Variants in NRXN1 observed in about 807,000 individuals in gnomAD.
The protein encoded by NRXN1 is neurexin-1.
Under a neutral mutation model 150.9 loss-of-function variants are expected in NRXN1, and 39 were observed. The ratio of observed to expected loss-of-function variants is 0.26; its 90% confidence interval spans 0.20 to 0.34. The LOEUF is 0.34. NRXN1 is among the 10% of genes least tolerant of loss of function. The pLI is 1.00. For missense variants in NRXN1, 1,815 were observed against 1,949.9 expected (o/e 0.93, Z 1.30); for synonymous variants, 924 against 757.0 (o/e 1.22, Z -3.62).
chr2:51,027,454 G>T, intron 2 of NRXN1, 48 bp downstream of exon 2: 1 of 1,471,998 alleles, frequency 6.8e-7, no homozygotes, highest in Non-Finnish European at 8.9e-7. Flanking sequence ...CCTCCTCCCC[G>T]AGCCCCGCCC....
At chr2:50,042,695 T>TAA (rs1558755456) in intron 21 of NRXN1, among the ~76,000 whole-genome samples, 1 of 152,104 alleles carries the variant, frequency 6.6e-6, no homozygotes, top group African/African-American at 2.4e-5. Flanking sequence ...CATACACACA[T>TAA]TAAGACAAAG....
chr2:50,521,318 T>C (rs1373152116), intron 12 of NRXN1, among the ~76,000 whole-genome samples: 1 of 152,182 alleles, frequency 6.6e-6, no homozygotes, highest in Non-Finnish European at 1.5e-5. Flanking sequence ...ATTTCGAGTC[T>C]GTATTTAGAC....
chr2:50,595,186 T>G (rs958447877), intron 8 of NRXN1, among the ~76,000 whole-genome samples: 1 of 152,010 alleles, frequency 6.6e-6, no homozygotes, highest in Non-Finnish European at 1.5e-5. Flanking sequence ...GACCTCAGTG[T>G]GCTGAGTATA....
At chr2:50,733,300 A>T (rs1698325022) in intron 5 of NRXN1, among the ~76,000 whole-genome samples, 1 of 152,194 alleles carries the variant, frequency 6.6e-6, no homozygotes, top group Non-Finnish European at 1.5e-5. Flanking sequence ...AAACCAACCC[A>T]AGACAAGTAA....
intron 5 of NRXN1, among the ~76,000 whole-genome samples, chr2:50,914,647 T>C (rs1297835219): frequency 6.6e-6 from 1 of 151,720 alleles, no homozygotes; most frequent in Admixed American, 6.6e-5. Context: ...ATAAAAAGTG[T>C]CAAATCTGAG....
chr2:49,937,621 C>T (rs1671272863), intron 22 of NRXN1, among the ~76,000 whole-genome samples: 1 of 152,166 alleles, frequency 6.6e-6, no homozygotes, highest in African/African-American at 2.4e-5. Flanking sequence ...CCCCATCCCG[C>T]ACCTGAATGA....
chr2:50,677,877 C>T (rs143969247), intron 5 of NRXN1, among the ~76,000 whole-genome samples: 2,097 of 152,062 alleles, frequency 0.014, 47 homozygotes, highest in African/African-American at 0.048. Flanking sequence ...GTGCTTCCTG[C>T]AGTACAAATC....
rs140220360 is a variant in NRXN1, at chr2:50,160,303, G to A, written c.3547-68809C>T. Among the ~76,000 whole-genome samples the A allele has an allele frequency of 9.6e-3, 1,457 of 152,178 alleles. 24 individuals carry two copies. The highest frequency in any genetic ancestry group is 0.033 in the African/African-American group (1,375 of 41,528). On this transcript the variant is annotated intron_variant, in intron 18 of 22. Transcript: ENST00000401669. ...CGTCTGTAATCCCAGCACTTTGGGA[G>A]GTCGAGGTGGGCAGATCACCTTAGG...
intron 18 of NRXN1, among the ~76,000 whole-genome samples, chr2:50,117,685 G>C (rs1482241298): frequency 1.3e-5 from 2 of 151,676 alleles, no homozygotes; most frequent in African/African-American, 4.8e-5. Flanking sequence ...CAACTGACTA[G>C]TGTGTATGTC....
intron 17 of NRXN1, among the ~76,000 whole-genome samples, chr2:50,264,265 CA>C (rs1415558487): frequency 6.6e-6 from 1 of 151,986 alleles, no homozygotes; most frequent in Non-Finnish European, 1.5e-5. Context: ...GAAAATCAGT[CA>C]CAATTGAACG....
Position 51,026,590 on chromosome 2 carries a change from C to T in NRXN1, c.772+912G>A. ...CACTACCCAGATAAATGTCATTAGC[C>T]GAATATCCTTAGAAAATCTCTTGCA... On this transcript the variant is annotated intron_variant, in intron 2 of 22. Transcript: ENST00000401669. 4.5e-6 allele frequency: 3 copies of T among 668,014 alleles called. No individual in the cohort carries two copies. In the South Asian group the frequency reaches 5.3e-5, roughly 12 times the overall value. The allele number at this position is 668,014 out of a possible 1,614,324, so 41.4% of individuals were successfully genotyped here. A position where few individuals can be genotyped will look rare whatever the true frequency, so the allele number is the denominator to read the frequency against.
intron 17 of NRXN1, among the ~76,000 whole-genome samples, chr2:50,344,649 A>G (rs1388996824): frequency 6.6e-6 from 1 of 152,042 alleles, no homozygotes; most frequent in East Asian, 1.9e-4. Context: ...TTCTGGAGGG[A>G]AAGAAATGTT....
intron 17 of NRXN1, among the ~76,000 whole-genome samples, chr2:50,324,239 G>T (rs1049566021): frequency 2.0e-5 from 3 of 152,296 alleles, no homozygotes; most frequent in Admixed American, 2.0e-4. Flanking sequence ...GTAGCATTAG[G>T]AGTGAAACAC....
chr2:50,788,243 T>A (rs1469347616), intron 5 of NRXN1, among the ~76,000 whole-genome samples: 1 of 151,826 alleles, frequency 6.6e-6, no homozygotes, highest in African/African-American at 2.4e-5. Flanking sequence ...CCCGCCACCA[T>A]GCCTGGTTAA....
intron 17 of NRXN1, among the ~76,000 whole-genome samples, chr2:50,341,564 G>C (rs2077550243): frequency 6.6e-6 from 1 of 152,152 alleles, no homozygotes. Flanking sequence ...AATGGCAATG[G>C]CCAAATTTTT....
In NRXN1 at chr2:50,705,888, A is replaced by G. The variant is rs146102011; in HGVS notation, c.833-82273T>C. On this transcript the variant is annotated intron_variant, in intron 5 of 22. Coordinates refer to ENST00000401669, the MANE Select transcript of NRXN1 (RefSeq NM_001330078.2). ...CAGACAGGAATAGTGGTAATAAACA[A>G]AAACAATCAGAGGCTCTCCTACAAA... Among the ~76,000 whole-genome samples the G allele has an allele frequency of 4.8e-3, 736 of 152,316 alleles. 5 individuals are homozygous for G. Among genetic ancestry groups the G allele is most frequent in the African/African-American group, 0.016 (681 of 41,580 alleles).
chr2:49,923,484 T>C (rs1668569056), intron 22 of NRXN1, among the ~76,000 whole-genome samples: 1 of 152,200 alleles, frequency 6.6e-6, no homozygotes, highest in Admixed American at 6.5e-5. Flanking sequence ...ATTCCATATA[T>C]ATTAGATAAG....
At chr2:50,678,769 T>C (rs1490709792) in intron 5 of NRXN1, among the ~76,000 whole-genome samples, 1 of 152,122 alleles carries the variant, frequency 6.6e-6, no homozygotes, top group South Asian at 2.1e-4. Flanking sequence ...ATGTATGAGA[T>C]GAGGATGATA....
At chr2:50,669,144 T>C (rs1323957585) in intron 5 of NRXN1, among the ~76,000 whole-genome samples, 1 of 151,770 alleles carries the variant, frequency 6.6e-6, no homozygotes, top group Admixed American at 6.6e-5. Flanking sequence ...TAACAAACAA[T>C]GCATTTGGGG....
Sources: allele counts gnomAD v4.1 joint callset (sites outside exome capture counted in the v4.1 genomes callset), GRCh38; gene constraint gnomAD v4.1.1; transcripts MANE v1.5; gene names NCBI Gene and HGNC (gene_info 2026-07-23, HGNC 2026-07-21).